Variants in SKAP2 observed in about 807,000 individuals in gnomAD.
SKAP2 encodes src kinase-associated phosphoprotein 2.
A neutral mutation model predicts 54.9 loss-of-function variants in SKAP2; 28 were observed. That is an observed-to-expected ratio of 0.51 (90% CI 0.38 to 0.70). SKAP2 has a LOEUF of 0.70. Among genes scored for constraint, SKAP2 ranks in the 30% least tolerant of loss-of-function variants. The pLI is 0.00. For synonymous variants in SKAP2, 137 were observed against 134.3 expected, an observed-to-expected ratio of 1.02 and a Z score of -0.14; for missense variants, 356 against 424.1, an observed-to-expected ratio of 0.84 and a Z score of 1.41.
At chr7:26,661,773 A>C in the SKAP2 span, among the ~76,000 whole-genome samples, 1 of 152,084 alleles carries the variant, frequency 6.6e-6, no homozygotes, top group Non-Finnish European at 1.5e-5. Flanking sequence ...GAGTATCAAC[A>C]TTTTTTTCCC....
At chr7:26,796,093 C>A (rs1467392327) in intron 4 of SKAP2, among the ~76,000 whole-genome samples, 1 of 152,128 alleles carries the variant, frequency 6.6e-6, no homozygotes, top group African/African-American at 2.4e-5. Flanking sequence ...CATTTACCAC[C>A]ATAAAACATA....
chr7:26,690,241 C>G (rs1786752524), intron 10 of SKAP2, 44 bp downstream of exon 10: 1 of 1,356,164 alleles, frequency 7.4e-7, no homozygotes, highest in East Asian at 2.3e-5. Context: ...TGAAAGTGAA[C>G]AAAAGCAAAA....
At chr7:26,656,850 A>G in the SKAP2 span, among the ~76,000 whole-genome samples, 4 of 152,280 alleles carry the variant, frequency 2.6e-5, no homozygotes, top group African/African-American at 9.6e-5. Flanking sequence ...TGCAAAAAAA[A>G]AAGACCTTCT....
At chr7:26,783,901 C>A (rs918298049) in intron 4 of SKAP2, among the ~76,000 whole-genome samples, 1 of 151,488 alleles carries the variant, frequency 6.6e-6, no homozygotes, top group Non-Finnish European at 1.5e-5. Context: ...ACGTAACTAA[C>A]CTGCACATTA....
Position 26,725,985 on chromosome 7 carries a change from A to G in SKAP2, c.596T>C (p.Phe199Ser). ...ISAPDKRIYQFTAASPKDAEE... is the reference protein window; with the variant it reads ...ISAPDKRIYQSTAASPKDAEE... ...AGCATCTTTGGGAGAAGCTGCTGTA[A>G]ACTAATATAAAACAAACAGTAAGAA... Residue 199 changes from phenylalanine to serine, a missense_variant and splice_region_variant, in exon 8 of 13, where the codon TTT becomes TCT. Physicochemically the swap from Phe to Ser is radical, Grantham distance 155. Coordinates refer to ENST00000345317, the MANE Select transcript of SKAP2 (RefSeq NM_003930.5). The G allele has an allele frequency of 6.2e-7, 1 of 1,604,758 alleles. No homozygotes were observed. Among genetic ancestry groups the G allele is most frequent in the Non-Finnish European group, 8.5e-7 (1 of 1,173,388 alleles).
At chr7:26,859,420 T>C (rs1785236757) in intron 1 of SKAP2, among the ~76,000 whole-genome samples, 1 of 152,128 alleles carries the variant, frequency 6.6e-6, no homozygotes, top group African/African-American at 2.4e-5. Context: ...AATTGAAAAG[T>C]TATTGATTGT....
chr7:26,839,171 T>C (rs2127994440), intron 4 of SKAP2, among the ~76,000 whole-genome samples: 1 of 152,266 alleles, frequency 6.6e-6, no homozygotes, highest in South Asian at 2.1e-4. Context: ...TCAATGGCTA[T>C]GTGTTTTATT....
At chr7:26,658,836 C>G in the SKAP2 span, among the ~76,000 whole-genome samples, 7 of 147,086 alleles carry the variant, frequency 4.8e-5, no homozygotes, top group African/African-American at 1.7e-4. Flanking sequence ...CCCCACCCCC[C>G]CACCAACTCC....
intron 4 of SKAP2, among the ~76,000 whole-genome samples, chr7:26,769,421 G>A (rs548286982): frequency 6.6e-6 from 1 of 152,158 alleles, no homozygotes; most frequent in African/African-American, 2.4e-5. Context: ...GGTTGGAGGA[G>A]TTTGTTATTA....
chr7:26,671,632 T>C (rs1375611888), intron 11 of SKAP2, among the ~76,000 whole-genome samples: 1 of 152,000 alleles, frequency 6.6e-6, no homozygotes, highest in Non-Finnish European at 1.5e-5. Context: ...ACTCCTGCTA[T>C]TGTTATTCTA....
chr7:26,701,770 T>C (rs573571321), intron 9 of SKAP2, among the ~76,000 whole-genome samples: 1 of 150,836 alleles, frequency 6.6e-6, no homozygotes, highest in African/African-American at 2.4e-5. Flanking sequence ...AATAAATAAA[T>C]AAAACTTGCA....
At chr7:26,864,054 G>GTC (rs1264823417) in intron 1 of SKAP2, among the ~76,000 whole-genome samples, 3 of 64,682 alleles carry the variant, frequency 4.6e-5, no homozygotes, top group Non-Finnish European at 9.5e-5. Context: ...CCGCCCTTCT[G>GTC]TCACACACAC....
At chr7:26,703,014 G>T (rs961529192) in intron 9 of SKAP2, among the ~76,000 whole-genome samples, 1 of 152,214 alleles carries the variant, frequency 6.6e-6, no homozygotes, top group African/African-American at 2.4e-5. Context: ...CAGAGTTTCT[G>T]ATTCAGTATA....
intron 1 of SKAP2, chr7:26,857,811 CTGGCTGG>C: frequency 1.2e-6 from 1 of 860,868 alleles, no homozygotes; most frequent in Non-Finnish European, 1.4e-6. Context: ...AAGTGTTCCT[CTGGCTGG>C]TTGGAGAAGA....
chr7:26,846,798 T>C (rs1044756051), intron 3 of SKAP2, among the ~76,000 whole-genome samples: 27 of 152,106 alleles, frequency 1.8e-4, no homozygotes, highest in African/African-American at 6.5e-4. Context: ...CTGGCCAACA[T>C]GGCAAAACCC....
At chr7:26,750,460 G>A (rs192397904) in intron 4 of SKAP2, among the ~76,000 whole-genome samples, 121 of 151,812 alleles carry the variant, frequency 8.0e-4, no homozygotes, top group Admixed American at 4.3e-3. Flanking sequence ...ACAGGCATGC[G>A]CTACCATGCC....
downstream of SKAP2, among the ~76,000 whole-genome samples, chr7:26,665,010 C>G (rs1242444396): frequency 6.6e-6 from 1 of 152,088 alleles, no homozygotes; most frequent in Non-Finnish European, 1.5e-5. Context: ...TTTAAATAAA[C>G]AGGGAGTAAA....
At chr7:26,778,781 A>G (rs1021482455) in intron 4 of SKAP2, among the ~76,000 whole-genome samples, 7 of 152,032 alleles carry the variant, frequency 4.6e-5, no homozygotes, top group African/African-American at 1.7e-4. Context: ...AATTACATAC[A>G]TATTGTATAC....
chr7:26,821,036 C>G (rs549376372), intron 4 of SKAP2, among the ~76,000 whole-genome samples: 3 of 152,080 alleles, frequency 2.0e-5, no homozygotes, highest in Non-Finnish European at 4.4e-5. Flanking sequence ...AGGATTAAAC[C>G]CAGGTATATA....
Sources: gnomAD v4.1 joint callset for allele counts (sites outside exome capture counted in the v4.1 genomes callset) on GRCh38, gnomAD v4.1.1 for gene constraint, MANE v1.5 for transcripts, NCBI Gene and HGNC (gene_info 2026-07-23, HGNC 2026-07-21) for gene names.